MLH3: variants seen among roughly 807,000 people sequenced by gnomAD.
MLH3 encodes the protein DNA mismatch repair protein Mlh3.
In MLH3, 82 loss-of-function variants were observed where a neutral mutation model predicts 122.2. That is an observed-to-expected ratio of 0.67 (90% CI 0.56 to 0.81). The LOEUF is 0.81. MLH3 is among the 30% of genes least tolerant of loss of function. MLH3 has a pLI of 0.00. For synonymous variants in MLH3, 524 were observed against 599.5 expected (o/e 0.87, Z 1.84); for missense variants, 1,539 against 1,714.5 (o/e 0.90, Z 1.81).
At chr14:75,039,555 T>G (rs920336840) in intron 5 of MLH3, among the ~76,000 whole-genome samples, 1 of 152,114 alleles carries the variant, frequency 6.6e-6, no homozygotes, top group African/African-American at 2.4e-5. Flanking sequence ...ACAAGGTCAC[T>G]AAAGGACTTT....
chr14:75,030,824 T>A (rs1265114648), intron 8 of MLH3, 122 bp from the exon 9 acceptor site: 2 of 802,074 alleles, frequency 2.5e-6, no homozygotes, highest in Non-Finnish European at 4.1e-6. Context: ...ACAACCGTAT[T>A]GTTTTTCTCA....
At chr14:75,036,984 C>A (rs1466666323) in intron 6 of MLH3, among the ~76,000 whole-genome samples, 1 of 151,924 alleles carries the variant, frequency 6.6e-6, no homozygotes, top group Non-Finnish European at 1.5e-5. Context: ...CCAGAGCAAT[C>A]TTTTTAAAAT....
chr14:75,041,826 A>C (rs1344051437), intron 3 of MLH3, 126 bp from the exon 4 acceptor site: 1 of 731,910 alleles, frequency 1.4e-6, no homozygotes, highest in Non-Finnish European at 2.5e-6. Flanking sequence ...TATGTTCTAC[A>C]AATGTTCAGT....
chr14:75,023,231 A>C (rs1344036917), intron 9 of MLH3, among the ~76,000 whole-genome samples: 1 of 152,202 alleles, frequency 6.6e-6, no homozygotes, highest in East Asian at 1.9e-4. Flanking sequence ...TGAACACAGA[A>C]TATATTTAGC....
chr14:75,044,205 T>C (rs1218692054), intron 2 of MLH3, among the ~76,000 whole-genome samples: 2 of 152,218 alleles, frequency 1.3e-5, no homozygotes, highest in Non-Finnish European at 2.9e-5. Flanking sequence ...AGCAGGGTAC[T>C]GAGGAGCCAT....
chr14:75,031,330 G>A (rs889163029), intron 8 of MLH3, among the ~76,000 whole-genome samples: 2 of 152,122 alleles, frequency 1.3e-5, no homozygotes, highest in East Asian at 1.9e-4. Flanking sequence ...TTATGATTAC[G>A]ATAATGAAAA....
At chr14:75,042,292 G>C in intron 3 of MLH3, 87 bp downstream of exon 3, 2 of 1,137,812 alleles carry the variant, frequency 1.8e-6, no homozygotes, top group South Asian at 1.2e-5. Context: ...AGCTGGCACT[G>C]ATCAAGCTTA....
Position 75,030,689 on chromosome 14 carries a change from T to C in MLH3, c.3841A>G (p.Asn1281Asp). The C allele has an allele frequency of 6.2e-7, 1 of 1,614,060 alleles. No individual in the cohort carries two copies. The highest frequency in any genetic ancestry group is 8.5e-7 in the Non-Finnish European group (1 of 1,179,952). The change falls in exon 9 of 13, where the codon AAT becomes GAT. Residue 1281 changes from asparagine to aspartate, a missense_variant. Physicochemically the swap from Asn to Asp is conservative, Grantham distance 23 (BLOSUM62 1). Transcript: ENST00000355774. ...AATTCAAGGCCCAGATCTTCCAGATTTTTGTGGTAACACCTAAAGAGATAA... is the reference window on the plus strand; with the variant it reads ...AATTCAAGGCCCAGATCTTCCAGATCTTTGTGGTAACACCTAAAGAGATAA... Reference protein sequence around the residue: ...QRRLLWCYHKNLEDLGLEFVF... With the variant: ...QRRLLWCYHKDLEDLGLEFVF...
intron 7 of MLH3, among the ~76,000 whole-genome samples, chr14:75,032,613 T>C (rs1180854349): frequency 6.6e-6 from 1 of 152,058 alleles, no homozygotes; most frequent in African/African-American, 2.4e-5. Context: ...AGGTAAGTTT[T>C]TCTAACACTG....
At chr14:75,039,759 AACACACACAC>A (rs34635307) in intron 5 of MLH3, 142 bp downstream of exon 5, 11 of 203,144 alleles carry the variant, frequency 5.4e-5, no homozygotes, top group East Asian at 3.1e-4. Context: ...TTCTAGTAAG[AACACACACAC>A]ACACACACAC....
chr14:75,027,688 A>AC lies in MLH3; in HGVS notation c.3987+2854_3987+2855insG, dbSNP rs1555341362. On this transcript the variant is annotated intron_variant, in intron 9 of 12. Transcript: ENST00000355774. ...GTAAAAAAAAAAAAAAAAAAAAAAAAAAAAAACCCAAAAGAACACAGAATA... is the reference window on the plus strand; with the variant it reads ...GTAAAAAAAAAAAAAAAAAAAAAAAACAAAAAACCCAAAAGAACACAGAATA... Among the ~76,000 whole-genome samples, 74 of 134,566 alleles carry AC rather than the reference A, an allele frequency of 5.5e-4. 3 individuals carry two copies. Among genetic ancestry groups the AC allele is most frequent in the Middle Eastern group, 4.2e-3 (1 of 238 alleles). The allele number at this position is 134,566 out of a possible 152,430, so 88.3% of individuals were successfully genotyped here.
At chr14:75,050,704 G>A (rs1223989503) in intron 1 of MLH3, 1 of 152,244 alleles carries the variant, frequency 6.6e-6, no homozygotes, top group Admixed American at 6.6e-5. Context: ...CCGGCCAGAA[G>A]GTCATTATTA....
intron 5 of MLH3, 45 bp downstream of exon 5, chr14:75,039,866 T>TG (rs1595069547): frequency 2.7e-6 from 1 of 371,532 alleles, no homozygotes; most frequent in Non-Finnish European, 4.6e-6. Context: ...TATATATATA[T>TG]ATATATATAT....
At position 75,047,988 on chromosome 14, in the gene MLH3, A is replaced by G; in HGVS notation, c.1668T>C (p.Asp556=). 2 of 1,614,080 alleles carry G rather than the reference A, an allele frequency of 1.2e-6. No homozygotes were observed. Among genetic ancestry groups the G allele is most frequent in the African/African-American group, 1.3e-5 (1 of 75,030 alleles). ...GAGGCTGGCATCCCACTTCAGTAGCATCTTTAAATCTCTTTGGTTGATTCT... is the reference window on the plus strand; with the variant it reads ...GAGGCTGGCATCCCACTTCAGTAGCGTCTTTAAATCTCTTTGGTTGATTCT... ...RIQNQPKRFK[D]ATEVGCQPLP... is the part of the protein sequence containing the mutation. Residue 556 remains aspartate, a synonymous_variant, in exon 2 of 13, where the codon GAT becomes GAC. Transcript: ENST00000355774.
At position 75,049,505 on chromosome 14, in the gene MLH3, G is replaced by A. The variant is rs1335415965; in HGVS notation, c.151C>T (p.Gln51Ter). 1.9e-6 allele frequency: 3 copies of A among 1,614,170 alleles called. No individual in the cohort carries two copies. Among genetic ancestry groups the A allele is most frequent in the Non-Finnish European group, 2.5e-6 (3 of 1,180,034 alleles). Residue 51 changes from glutamine to a stop codon, truncating the protein, a stop_gained, in exon 2 of 13, where the codon CAA (glutamine) becomes TAA (stop). Coordinates refer to ENST00000355774, the MANE Select transcript of MLH3 (RefSeq NM_001040108.2). LOFTEE classifies it high-confidence loss of function. ...AATCCATTGTCTATCACTTGAACTTGGAAGGTTTCCATATTCACCCTGACA... is the reference window on the plus strand; with the variant it reads ...AATCCATTGTCTATCACTTGAACTTAGAAGGTTTCCATATTCACCCTGACA... The part of the protein sequence containing the change: ...VAVRVNMETF[Q>*]VQVIDNGFGM...
At chr14:75,039,468 A>G (rs1463382312) in intron 5 of MLH3, among the ~76,000 whole-genome samples, 2 of 152,220 alleles carry the variant, frequency 1.3e-5, no homozygotes, top group Non-Finnish European at 2.9e-5. Flanking sequence ...TGACTTCTCA[A>G]TATGGGCTTT....
intron 8 of MLH3, 74 bp from the exon 9 acceptor site, chr14:75,030,776 A>G (rs1890998712): frequency 7.7e-7 from 1 of 1,293,918 alleles, no homozygotes; most frequent in Admixed American, 1.8e-5. Flanking sequence ...GGTTCCAAAT[A>G]CTACTTAATA....
At chr14:75,024,899 C>A (rs747508097) in intron 9 of MLH3, among the ~76,000 whole-genome samples, 1 of 152,056 alleles carries the variant, frequency 6.6e-6, no homozygotes, top group Non-Finnish European at 1.5e-5. Context: ...CTAACAGATC[C>A]TATCTTTTGG....
At position 75,048,612 on chromosome 14, in the gene MLH3, T is replaced by C. The variant is rs776362767; in HGVS notation, c.1044A>G (p.Leu348=). The C allele has an allele frequency of 3.1e-6, 5 of 1,614,070 alleles. No homozygotes were observed. The South Asian group carries it at 5.5e-5, about 18-fold the overall frequency. Residue 348 remains leucine, a synonymous_variant, in exon 2 of 13, where the codon TTA becomes TTG. Coordinates refer to ENST00000355774, the MANE Select transcript of MLH3 (RefSeq NM_001040108.2). ...FCIQEGVKMF[L]KQEKLFVELS... Reference sequence around the variant, plus strand: ...ATTCCACAAATAATTTTTCTTGCTTTAAAAACATTTTCACTCCTTCCTGAA... The same window carrying C: ...ATTCCACAAATAATTTTTCTTGCTTCAAAAACATTTTCACTCCTTCCTGAA...
Sources: allele counts gnomAD v4.1 joint callset (sites outside exome capture counted in the v4.1 genomes callset), GRCh38; gene constraint gnomAD v4.1.1; transcripts MANE v1.5; gene names NCBI Gene and HGNC (gene_info 2026-07-23, HGNC 2026-07-21).